Variants in RUBCN observed in about 807,000 individuals in gnomAD.
RUBCN encodes the protein run domain Beclin-1-interacting and cysteine-rich domain-containing protein.
In RUBCN, 74 loss-of-function variants were observed where a neutral mutation model predicts 113.2. That is an observed-to-expected ratio of 0.65 (90% CI 0.54 to 0.79). The LOEUF is 0.79. Ranked by LOEUF, RUBCN falls within the 30% of genes least tolerant of loss-of-function variation. RUBCN has a pLI of 0.00. For synonymous variants in RUBCN, 480 were observed against 490.0 expected (o/e 0.98, Z 0.27); for missense variants, 1,109 against 1,251.7 (o/e 0.89, Z 1.72).
chr3:197,678,420 C>T (rs558878305), intron 16 of RUBCN, among the ~76,000 whole-genome samples: 1 of 151,644 alleles, frequency 6.6e-6, no homozygotes, highest in African/African-American at 2.4e-5. Context: ...TACGCTCTAA[C>T]TCGTCAACTG....
rs889412585 is a variant in RUBCN at position 197,673,586 on chromosome 3, C to T, written c.*1432G>A. 1 of 152,296 alleles carries T rather than the reference C, an allele frequency of 6.6e-6. No individual in the cohort carries two copies. Among genetic ancestry groups the T allele is most frequent in the Non-Finnish European group, 1.5e-5 (1 of 68,118 alleles). The allele number at this position is 152,296 out of a possible 1,614,324, so 9.4% of individuals were successfully genotyped here. A position where few individuals can be genotyped will look rare whatever the true frequency, so the allele number is the denominator to read the frequency against. ...CCAGTGTTTTCACAGAGGTTAGAAG[C>T]TGCATCAACTTAAGGAACATCACAA... On this transcript the variant is annotated 3_prime_UTR_variant, in exon 20 of 20. Coordinates refer to ENST00000296343, the MANE Select transcript of RUBCN (RefSeq NM_014687.4).
chr3:197,685,545 A>G (rs1228773129), intron 11 of RUBCN, among the ~76,000 whole-genome samples: 2 of 152,210 alleles, frequency 1.3e-5, no homozygotes, highest in Non-Finnish European at 2.9e-5. Flanking sequence ...TACTTAACAC[A>G]GGGCTCATAT....
At chr3:197,718,153 A>G (rs971381993) in intron 1 of RUBCN, 23 bp from the exon 2 acceptor site, 1 of 1,614,050 alleles carries the variant, frequency 6.2e-7, no homozygotes, top group East Asian at 2.2e-5. Context: ...CAGTTACACC[A>G]ATCGTTAGTT....
rs1728201744 is a variant in RUBCN at position 197,736,865 on chromosome 3, G to C, written c.-146C>G. On this transcript the variant is annotated 5_prime_UTR_variant, in exon 1 of 20. Coordinates refer to ENST00000296343, the MANE Select transcript of RUBCN (RefSeq NM_014687.4). ...CGCTACACCCGGGCGGCGACAGCGGGAGGGACCGCCGCCTGGGCTGCGGCT... is the reference window on the plus strand; with the variant it reads ...CGCTACACCCGGGCGGCGACAGCGGCAGGGACCGCCGCCTGGGCTGCGGCT... 4 of 1,377,958 alleles carry C rather than the reference G, an allele frequency of 2.9e-6. No individual in the cohort carries two copies. Among genetic ancestry groups the C allele is most frequent in the Non-Finnish European group, 3.7e-6 (4 of 1,073,518 alleles). The allele number at this position is 1,377,958 out of a possible 1,614,324, so 85.4% of individuals were successfully genotyped here.
upstream of RUBCN, among the ~76,000 whole-genome samples, chr3:197,738,963 ATTAT>A (rs891557052): frequency 4.6e-5 from 7 of 151,592 alleles, no homozygotes; most frequent in South Asian, 2.1e-4. Flanking sequence ...TTAACACTAT[ATTAT>A]TTATTTATTT....
intron 5 of RUBCN, 64 bp from the exon 6 acceptor site, chr3:197,701,928 G>T: frequency 6.8e-7 from 1 of 1,477,880 alleles, no homozygotes; most frequent in Non-Finnish European, 9.4e-7. Flanking sequence ...CAGAGTGGGG[G>T]CAACGCAGTA....
intron 1 of RUBCN, among the ~76,000 whole-genome samples, chr3:197,745,987 T>C (rs1231581830): frequency 6.6e-6 from 1 of 152,014 alleles, no homozygotes; most frequent in Non-Finnish European, 1.5e-5. Context: ...AGTGAGATCA[T>C]GCCACTGCAC....
chr3:197,738,065 A>T (rs932685022), upstream of RUBCN, among the ~76,000 whole-genome samples: 2 of 152,096 alleles, frequency 1.3e-5, no homozygotes, highest in Non-Finnish European at 2.9e-5. Flanking sequence ...TGATATTTTG[A>T]TTTTTTAAAA....
chr3:197,722,137 G>A (rs1363788167), intron 1 of RUBCN, among the ~76,000 whole-genome samples: 4 of 152,070 alleles, frequency 2.6e-5, no homozygotes, highest in Non-Finnish European at 4.4e-5. Context: ...CAGCTACACA[G>A]GAGGCTGAGG....
intron 1 of RUBCN, among the ~76,000 whole-genome samples, chr3:197,731,622 C>G (rs867823133): frequency 0.12 from 16,483 of 142,862 alleles, 1,079 homozygotes; most frequent in African/African-American, 0.19. Flanking sequence ...CCGGGCGGGG[C>G]CTGACCCCCC....
rs1393097933 is a variant in RUBCN, at chr3:197,736,729, T to G, written c.-10A>C. The G allele has an allele frequency of 2.0e-6, 3 of 1,528,450 alleles. No homozygotes were observed. The highest frequency in any genetic ancestry group is 2.6e-6 in the Non-Finnish European group (3 of 1,144,578). The allele number at this position is 1,528,450 out of a possible 1,614,324, so 94.7% of individuals were successfully genotyped here. A position where few individuals can be genotyped will look rare whatever the true frequency, so the allele number is the denominator to read the frequency against. ...CGCCCTCCGGCCGCATCCGGGGCGG[T>G]GAGGCCGCCTCTTCGCCCAAGAGAG... is the stretch of plus-strand genomic sequence containing the variant. On this transcript the variant is annotated 5_prime_UTR_variant, in exon 1 of 20. Coordinates refer to ENST00000296343, the MANE Select transcript of RUBCN (RefSeq NM_014687.4).
intron 1 of RUBCN, among the ~76,000 whole-genome samples, chr3:197,723,938 A>C (rs1314938037): frequency 2.6e-5 from 4 of 152,174 alleles, no homozygotes; most frequent in Non-Finnish European, 1.5e-5. Context: ...TCTACTAAAA[A>C]AATATAAAAA....
At chr3:197,714,466 A>G (rs1263778462) in intron 2 of RUBCN, among the ~76,000 whole-genome samples, 1 of 152,128 alleles carries the variant, frequency 6.6e-6, no homozygotes, top group Admixed American at 6.5e-5. Flanking sequence ...GTCTACAGGC[A>G]TGCACCACCA....
At chr3:197,728,213 C>A (rs1237452146) in intron 1 of RUBCN, among the ~76,000 whole-genome samples, 1 of 152,160 alleles carries the variant, frequency 6.6e-6, no homozygotes, top group Non-Finnish European at 1.5e-5. Context: ...CTAGCCTGGG[C>A]AACAATGTGA....
At chr3:197,731,421 G>A (rs1222626269) in intron 1 of RUBCN, among the ~76,000 whole-genome samples, 2 of 152,196 alleles carry the variant, frequency 1.3e-5, no homozygotes, top group African/African-American at 4.8e-5. Flanking sequence ...GCAACCATCC[G>A]ATTTCTCAAT....
intron 1 of RUBCN, among the ~76,000 whole-genome samples, chr3:197,720,759 CAATA>C (rs1726060055): frequency 6.6e-6 from 1 of 152,116 alleles, no homozygotes; most frequent in African/African-American, 2.4e-5. Context: ...AATAGCACTG[CAATA>C]AATAGAGGAG....
In RUBCN at chr3:197,681,065, C is replaced by A; in HGVS notation, c.2430+64G>T. Reference sequence around the variant, plus strand: ...ATGGGGGGAGGGGACGGGGGAGGGACGAGGGGAGGGGATGAGGGGAGGAGA... The same window carrying A: ...ATGGGGGGAGGGGACGGGGGAGGGAAGAGGGGAGGGGATGAGGGGAGGAGA... On this transcript the variant is annotated intron_variant, in intron 16 of 19. Coordinates refer to ENST00000296343, the MANE Select transcript of RUBCN (RefSeq NM_014687.4). This position sits in a 1 kb window ranked among gnomAD's most constrained non-coding sequence, Gnocchi z 5.5. The A allele has an allele frequency of 1.2e-6, 1 of 807,138 alleles. No homozygotes were observed. Among genetic ancestry groups the A allele is most frequent in the Non-Finnish European group, 1.9e-6 (1 of 520,922 alleles). The allele number at this position is 807,138 out of a possible 1,614,324, so 50.0% of individuals were successfully genotyped here. A position where few individuals can be genotyped will look rare whatever the true frequency, so the allele number is the denominator to read the frequency against.
At chr3:197,748,465 AG>A (rs1728854324) in intron 1 of RUBCN, 2 of 150,356 alleles carry the variant, frequency 1.3e-5, no homozygotes, top group Admixed American at 1.3e-4. Flanking sequence ...ATAAAAAAAA[AG>A]AGACATCTTA....
chr3:197,737,793 A>G (rs998304667), upstream of RUBCN, among the ~76,000 whole-genome samples: 16 of 152,144 alleles, frequency 1.1e-4, no homozygotes, highest in Admixed American at 9.8e-4. Context: ...TAGATAGGAG[A>G]CTGGTCATCC....
Sources: allele counts gnomAD v4.1 joint callset (sites outside exome capture counted in the v4.1 genomes callset), GRCh38; gene constraint gnomAD v4.1.1; non-coding constraint Gnocchi (gnomAD v3.1); transcripts MANE v1.5; gene names NCBI Gene and HGNC (gene_info 2026-07-23, HGNC 2026-07-21).